Variants in NID2 observed in about 807,000 individuals in gnomAD.
NID2 encodes the protein nidogen-2.
In NID2, 83 loss-of-function variants were observed where a neutral mutation model predicts 145.4. That is an observed-to-expected ratio of 0.57 (90% CI 0.48 to 0.69). The LOEUF (loss-of-function observed/expected upper bound fraction) is 0.69, where lower values mean the gene tolerates loss of function less well. Ranked by LOEUF, NID2 falls within the 30% of genes least tolerant of loss-of-function variation. The pLI, the probability that NID2 is intolerant of heterozygous loss-of-function variation, is 0.00. For synonymous variants in NID2, 739 were observed against 701.3 expected, an observed-to-expected ratio of 1.05 and a Z score of -0.85; for missense variants, 1,807 against 1,765.7, an observed-to-expected ratio of 1.02 and a Z score of -0.42.
At chr14:52,036,953 T>A (rs1173472583) in intron 9 of NID2, among the ~76,000 whole-genome samples, 1 of 152,248 alleles carries the variant, frequency 6.6e-6, no homozygotes, top group African/African-American at 2.4e-5. Context: ...ACTTTGTTAA[T>A]AATGTCCTCT....
intron 2 of NID2, among the ~76,000 whole-genome samples, chr14:52,066,146 C>T (rs1048926455): frequency 6.6e-6 from 1 of 152,026 alleles, no homozygotes; most frequent in African/African-American, 2.4e-5. Context: ...ATGGAATTTA[C>T]AAATCTCTTC....
chr14:52,029,800 C>T (rs888702285), intron 9 of NID2, 110 bp from the exon 10 acceptor site: 39 of 874,518 alleles, frequency 4.5e-5, no homozygotes, highest in Admixed American at 3.0e-4. Context: ...TGTGACACAC[C>T]GGAAGACCTT....
intron 14 of NID2, among the ~76,000 whole-genome samples, chr14:52,017,896 G>C (rs770320527): frequency 6.6e-6 from 1 of 152,056 alleles, no homozygotes; most frequent in African/African-American, 2.4e-5. Flanking sequence ...TTGGCCTACT[G>C]CAACCTCTGC....
intron 5 of NID2, among the ~76,000 whole-genome samples, chr14:52,043,774 C>A (rs981939144): frequency 1.2e-4 from 19 of 152,116 alleles, no homozygotes; most frequent in Non-Finnish European, 5.9e-5. Context: ...AAGGAAATAG[C>A]CAAGGGGGTA....
intron 8 of NID2, among the ~76,000 whole-genome samples, chr14:52,039,980 G>A (rs759058944): frequency 3.6e-4 from 54 of 152,094 alleles, no homozygotes; most frequent in African/African-American, 6.5e-4. Flanking sequence ...TTGCTTTGTC[G>A]CCCAGGCTGG....
chr14:52,023,124 TC>T (rs1891460731), intron 12 of NID2, among the ~76,000 whole-genome samples: 1 of 152,152 alleles, frequency 6.6e-6, no homozygotes, highest in African/African-American at 2.4e-5. Flanking sequence ...CTACCTACAT[TC>T]TTGGAACAGG....
In NID2 at chr14:52,005,326, CTTTTCACAAAAGTCT is replaced by C. The variant is rs1890724008; in HGVS notation, c.*145_*159del. 1.9e-6 allele frequency: 1 copy of C among 532,290 alleles called. No homozygotes were observed. The highest frequency in any genetic ancestry group is 3.1e-6 in the Non-Finnish European group (1 of 324,714). The allele number at this position is 532,290 out of a possible 1,614,324, so 33.0% of individuals were successfully genotyped here. On this transcript the variant is annotated 3_prime_UTR_variant, in exon 22 of 22. Transcript: ENST00000216286. ...ACAGTAGTAAAGATTGAGGTATCAG[CTTTTCACAAAAGTCT>C]TTTTGCACTACAAAATGTTCATCTT...
chr14:52,035,852 T>TG (rs1892041982), intron 9 of NID2, among the ~76,000 whole-genome samples: 1 of 33,608 alleles, frequency 3.0e-5, no homozygotes, highest in South Asian at 2.0e-3. Flanking sequence ...CTAAATTTTT[T>TG]TGTGTATATA....
At chr14:52,040,880 A>T in intron 7 of NID2, 29 bp from the exon 8 acceptor site, 1 of 1,605,474 alleles carries the variant, frequency 6.2e-7, no homozygotes, top group Non-Finnish European at 8.5e-7. Context: ...CAGCACAGGG[A>T]TGAAAAGAGG....
At chr14:52,027,486 G>A in intron 11 of NID2, 142 bp from the exon 12 acceptor site, 1 of 618,148 alleles carries the variant, frequency 1.6e-6, no homozygotes, top group Non-Finnish European at 2.5e-6. Context: ...CAGTGATTCA[G>A]AATCTGGATT....
At position 52,019,092 on chromosome 14, in the gene NID2, G is replaced by C. The variant is rs1187401537; in HGVS notation, c.2997C>G (p.Gly999=). Residue 999 remains glycine (G), a synonymous_variant, in exon 14 of 22, where the codon GGC becomes GGG. Transcript: ENST00000216286. Reference sequence around the variant, plus strand: ...ATGGTCCACAGTGAGGCGGGGTGGAGCCAGGTGGAGTCTGGGTACCAGGAA... The same window carrying C: ...ATGGTCCACAGTGAGGCGGGGTGGACCCAGGTGGAGTCTGGGTACCAGGAA... ...HEVPGTQTPP[G]STPPHCGPSP... 4 of 1,614,086 alleles carry C rather than the reference G, an allele frequency of 2.5e-6. No individual in the cohort carries two copies. The highest frequency in any genetic ancestry group is 1.6e-4 in the Middle Eastern group (1 of 6,062).
intron 5 of NID2, among the ~76,000 whole-genome samples, chr14:52,049,216 T>C (rs1238984442): frequency 6.6e-6 from 1 of 152,104 alleles, no homozygotes; most frequent in Non-Finnish European, 1.5e-5. Flanking sequence ...TTTTAACTTT[T>C]CTCATGTCCT....
intron 12 of NID2, among the ~76,000 whole-genome samples, chr14:52,022,731 C>T (rs1360245273): frequency 1.3e-5 from 2 of 152,162 alleles, no homozygotes; most frequent in African/African-American, 2.4e-5. Context: ...CGAGTTCATG[C>T]TTTCGTGCTT....
intron 18 of NID2, 117 bp downstream of exon 18, chr14:52,010,759 A>G (rs2282345): frequency 6.1e-6 from 6 of 979,078 alleles, no homozygotes; most frequent in East Asian, 2.4e-5. Context: ...TCTTTGTTAC[A>G]TGAATGCATT....
chr14:52,063,554 A>C (rs1893087136), intron 2 of NID2, among the ~76,000 whole-genome samples: 1 of 152,242 alleles, frequency 6.6e-6, no homozygotes, highest in Non-Finnish European at 1.5e-5. Flanking sequence ...AATTAACTGC[A>C]GCTATCTGGA....
intron 9 of NID2, among the ~76,000 whole-genome samples, chr14:52,035,173 C>G (rs1892010074): frequency 6.6e-6 from 1 of 152,130 alleles, no homozygotes; most frequent in South Asian, 2.1e-4. Context: ...TTGGACAGTT[C>G]TATAGACTGA....
Position 52,014,271 on chromosome 14 carries a change from G to A in NID2, c.3420+16C>T, listed in dbSNP as rs1350808777. 6.2e-7 allele frequency: 1 copy of A among 1,614,080 alleles called. No individual in the cohort carries two copies. Among genetic ancestry groups the A allele is most frequent in the Non-Finnish European group, 8.5e-7 (1 of 1,180,034 alleles). On this transcript the variant is annotated intron_variant, in intron 16 of 21. Transcript: ENST00000216286. ...AGCCACGCAGCCCTGCCCCCTACAG[G>A]AGAAATCCACTTTACATGCAGAGAC...
In NID2 at chr14:52,014,280, A is replaced by G. The variant is rs4901178; in HGVS notation, c.3420+7T>C. 5 of 1,614,260 alleles carry G rather than the reference A, an allele frequency of 3.1e-6. No homozygotes were observed. The South Asian group carries it at 4.4e-5, about 14-fold the overall frequency. On this transcript the variant is annotated splice_region_variant and intron_variant, in intron 16 of 21. Coordinates refer to ENST00000216286, the MANE Select transcript of NID2 (RefSeq NM_007361.4). ...GCCCTGCCCCCTACAGGAGAAATCC[A>G]CTTTACATGCAGAGACAGCAGGGTC...
At chr14:52,005,625 C>T (rs1890743858) in intron 21 of NID2, 112 bp downstream of exon 21, 2 of 1,403,154 alleles carry the variant, frequency 1.4e-6, no homozygotes, top group African/African-American at 1.4e-5. Context: ...GCCCTCAGGG[C>T]AGGAAGAAGG....
Sources: gnomAD v4.1 joint callset for allele counts (sites outside exome capture counted in the v4.1 genomes callset) on GRCh38, gnomAD v4.1.1 for gene constraint, MANE v1.5 for transcripts, NCBI Gene and HGNC (gene_info 2026-07-23, HGNC 2026-07-21) for gene names.